Variants in ZEB1 observed in about 807,000 individuals in gnomAD.
The protein encoded by ZEB1 is zinc finger E-box-binding homeobox 1.
In ZEB1, 21 loss-of-function variants were observed where a neutral mutation model predicts 84.9. The ratio of observed to expected loss-of-function variants is 0.25; its 90% CI spans 0.18 to 0.36. The LOEUF (loss-of-function observed/expected upper bound fraction) is 0.36, where lower values mean the gene tolerates loss of function less well. Among genes scored for constraint, ZEB1 ranks in the 10% least tolerant of loss-of-function variants. The pLI, the probability that ZEB1 is intolerant of heterozygous loss-of-function variation, is 1.00. For synonymous variants in ZEB1, 420 were observed against 471.1 expected (o/e 0.89, Z 1.41); for missense variants, 1,104 against 1,330.2 (o/e 0.83, Z 2.65).
In ZEB1 at chr10:31,524,311, C is replaced by T. The variant is rs565185627; in HGVS notation, c.2785+198C>T. On this transcript the variant is annotated intron_variant, in intron 8 of 8. Coordinates refer to ENST00000424869, the MANE Select transcript of ZEB1 (RefSeq NM_001174096.2). ...TCGGCTCACTGCAACCTCCGCCTCC[C>T]GGGCTCAAGCCATCCTTTCATCTCA... Among the ~76,000 whole-genome samples the T allele has an allele frequency of 1.2e-3, 189 of 152,088 alleles. 1 individual carries two copies. The highest frequency in any genetic ancestry group is 2.1e-3 in the Non-Finnish European group (144 of 68,000).
At chr10:31,456,246 A>C in intron 1 of ZEB1, among the ~76,000 whole-genome samples, 1 of 152,102 alleles carries the variant, frequency 6.6e-6, no homozygotes, top group Admixed American at 6.6e-5. Flanking sequence ...ATCACACACC[A>C]GGGCCTGTTG....
intron 3 of ZEB1, among the ~76,000 whole-genome samples, chr10:31,497,590 A>T (rs1407442706): frequency 2.0e-5 from 3 of 152,130 alleles, no homozygotes; most frequent in Middle Eastern, 3.2e-3. Flanking sequence ...TGAGCAGTTA[A>T]ACTGTAAAAT....
chr10:31,357,448 C>A (rs1354347062), intron 1 of ZEB1, among the ~76,000 whole-genome samples: 1 of 152,036 alleles, frequency 6.6e-6, no homozygotes. Context: ...ACATAGCGAT[C>A]TGAGTACATC....
intron 7 of ZEB1, 75 bp downstream of exon 7, chr10:31,522,011 A>C (rs1245605907): frequency 6.3e-7 from 1 of 1,596,020 alleles, no homozygotes; most frequent in African/African-American, 1.3e-5. Flanking sequence ...TTGTCTAATA[A>C]ATATCAGTCC....
chr10:31,458,882 G>A (rs188298880), intron 1 of ZEB1, among the ~76,000 whole-genome samples: 16 of 152,230 alleles, frequency 1.1e-4, no homozygotes, highest in Non-Finnish European at 4.4e-5. Flanking sequence ...AAAGCTTTAT[G>A]TATATAGATG....
At chr10:31,411,501 G>A (rs868371103) in intron 1 of ZEB1, among the ~76,000 whole-genome samples, 19 of 152,008 alleles carry the variant, frequency 1.2e-4, no homozygotes, top group African/African-American at 4.6e-4. Flanking sequence ...GCGCGGTGGC[G>A]GGCGCCTGTA....
At chr10:31,497,090 A>T (rs979422244) in intron 3 of ZEB1, among the ~76,000 whole-genome samples, 1 of 152,106 alleles carries the variant, frequency 6.6e-6, no homozygotes, top group Non-Finnish European at 1.5e-5. Flanking sequence ...AATATTTGCC[A>T]TGCTAAGCTA....
At chr10:31,489,051 A>G (rs1403414109) in intron 2 of ZEB1, among the ~76,000 whole-genome samples, 1 of 151,262 alleles carries the variant, frequency 6.6e-6, no homozygotes, top group Admixed American at 6.6e-5. Context: ...TCTGTCAGTT[A>G]ATGCAAGAGG....
chr10:31,426,320 C>T (rs111650527), intron 1 of ZEB1, among the ~76,000 whole-genome samples: 8 of 152,060 alleles, frequency 5.3e-5, no homozygotes, highest in African/African-American at 1.4e-4. Context: ...CCTCATCCCA[C>T]CCCCATGACT....
chr10:31,421,161 C>T lies in ZEB1; in HGVS notation c.59-39876C>T, dbSNP rs575933316. On this transcript the variant is annotated intron_variant, in intron 1 of 8. Coordinates refer to ENST00000424869, the MANE Select transcript of ZEB1 (RefSeq NM_001174096.2). ...CTCCAGCCACTCCAGGTAGGGAAAA[C>T]TGTGCATGGATGATTGGGAGAACCT... is the stretch of plus-strand genomic sequence containing the variant. 2.0e-5 allele frequency among the ~76,000 whole-genome samples: 3 copies of T among 152,216 alleles called. No homozygotes were observed. The South Asian group carries it at 6.2e-4, about 32-fold the overall frequency.
chr10:31,442,735 GAA>G (rs1254644861), intron 1 of ZEB1, among the ~76,000 whole-genome samples: 1 of 152,078 alleles, frequency 6.6e-6, no homozygotes, highest in Non-Finnish European at 1.5e-5. Context: ...GAGTTAAGAG[GAA>G]ACTGATAGAG....
chr10:31,321,515 G>C (rs777731654), intron 1 of ZEB1: 3 of 1,614,010 alleles, frequency 1.9e-6, no homozygotes, highest in South Asian at 2.2e-5. Context: ...CGCTGTTGCT[G>C]ATGTGGCTTT....
At chr10:31,410,768 C>T (rs2054086462) in intron 1 of ZEB1, among the ~76,000 whole-genome samples, 1 of 151,962 alleles carries the variant, frequency 6.6e-6, no homozygotes, top group African/African-American at 2.4e-5. Context: ...TTCATTTTTT[C>T]CTAGATTTTC....
intron 1 of ZEB1, among the ~76,000 whole-genome samples, chr10:31,332,089 C>T (rs1412859548): frequency 6.6e-6 from 1 of 152,050 alleles, no homozygotes; most frequent in Non-Finnish European, 1.5e-5. Context: ...CCTGATGTAT[C>T]CTGCTTTCCT....
At chr10:31,452,701 A>AT (rs1554878661) in intron 1 of ZEB1, among the ~76,000 whole-genome samples, 22 of 90,250 alleles carry the variant, frequency 2.4e-4, no homozygotes, top group African/African-American at 6.5e-4. Flanking sequence ...TTAGGATAAA[A>AT]TGTGTGTGTG....
chr10:31,527,370 C>T lies in ZEB1; in HGVS notation c.*106C>T. The T allele has an allele frequency of 6.9e-7, 1 of 1,452,890 alleles. No individual in the cohort carries two copies. Among genetic ancestry groups the T allele is most frequent in the Non-Finnish European group, 9.3e-7 (1 of 1,077,406 alleles). 90.0% of individuals were successfully genotyped at this position (1,452,890 alleles called of 1,614,324 possible). A position where few individuals can be genotyped will look rare whatever the true frequency, so the allele number is the denominator to read the frequency against. ...TAACCTGTATGCTGTGATTCCTGTT[C>T]ACTACTGTGTAAAGTAAAAACTAAA... On this transcript the variant is annotated 3_prime_UTR_variant, in exon 9 of 9. Transcript: ENST00000424869.
rs1354878933 is a variant in ZEB1, at chr10:31,521,445, T to G, written c.2113T>G (p.Ser705Ala). ...CAATGGTTCCAGAAGTAGTACACCA[T>G]CCCCATCACCTCTAAACCTTTCCTC... is the stretch of plus-strand genomic sequence containing the variant. ...TTNGSRSSTP[S>A]PSPLNLSSSR... The change falls in exon 7 of 9, where the codon TCC becomes GCC. Residue 705 changes from serine to alanine, a missense_variant. Transcript: ENST00000424869. 7 of 1,613,990 alleles carry G rather than the reference T, an allele frequency of 4.3e-6. No homozygotes were observed. The East Asian group carries it at 1.6e-4, about 36-fold the overall frequency.
At chr10:31,475,390 G>A (rs1239350699) in intron 2 of ZEB1, among the ~76,000 whole-genome samples, 2 of 152,008 alleles carry the variant, frequency 1.3e-5, no homozygotes, top group Non-Finnish European at 2.9e-5. Flanking sequence ...GGATAATTTA[G>A]GAAAATCACC....
intron 1 of ZEB1, among the ~76,000 whole-genome samples, chr10:31,333,426 G>A (rs2037243964): frequency 6.6e-6 from 1 of 152,128 alleles, no homozygotes; most frequent in Non-Finnish European, 1.5e-5. Flanking sequence ...AACACAAGAA[G>A]TGGTAAATAT....
Sources: allele counts gnomAD v4.1 joint callset (sites outside exome capture counted in the v4.1 genomes callset), GRCh38; gene constraint gnomAD v4.1.1; transcripts MANE v1.5; gene names NCBI Gene and HGNC (gene_info 2026-07-23, HGNC 2026-07-21).